Variants in ZNF609 observed in about 807,000 individuals in gnomAD.
ZNF609 encodes the protein zinc finger protein 609.
A neutral mutation model predicts 109.5 loss-of-function variants in ZNF609; 11 were observed. The ratio of observed to expected loss-of-function variants is 0.10; its 90% confidence interval spans 0.06 to 0.17. The LOEUF (loss-of-function observed/expected upper bound fraction) is 0.17, where lower values mean the gene tolerates loss of function less well. Among genes scored for constraint, ZNF609 ranks in the 10% least tolerant of loss-of-function variants. The pLI is 1.00. For synonymous variants in ZNF609, 646 were observed against 662.0 expected, an observed-to-expected ratio of 0.98 and a Z score of 0.37; for missense variants, 1,559 against 1,772.4, an observed-to-expected ratio of 0.88 and a Z score of 2.16.
intron 2 of ZNF609, among the ~76,000 whole-genome samples, chr15:64,582,591 G>A (rs901261156): frequency 6.6e-6 from 1 of 152,034 alleles, no homozygotes; most frequent in Non-Finnish European, 1.5e-5. Context: ...CTTACTTCAT[G>A]CCTGTATCTG....
chr15:64,670,133 G>A (rs972529678), intron 3 of ZNF609, among the ~76,000 whole-genome samples: 9 of 152,172 alleles, frequency 5.9e-5, no homozygotes, highest in African/African-American at 2.2e-4. Flanking sequence ...ACAAAACCAT[G>A]AAGTCTTTAC....
intron 2 of ZNF609, among the ~76,000 whole-genome samples, chr15:64,530,599 CTG>C (rs1163284001): frequency 1.3e-5 from 2 of 152,168 alleles, no homozygotes; most frequent in Non-Finnish European, 2.9e-5. Flanking sequence ...CTAGTATTTT[CTG>C]TGTGGTCTTC....
intron 2 of ZNF609, among the ~76,000 whole-genome samples, chr15:64,587,203 T>A (rs747627877): frequency 3.3e-5 from 5 of 152,228 alleles, no homozygotes; most frequent in Non-Finnish European, 7.3e-5. Flanking sequence ...TTCTCTAAAG[T>A]GGATCTTGCC....
At chr15:64,571,709 G>A (rs889105704) in intron 2 of ZNF609, among the ~76,000 whole-genome samples, 5 of 151,978 alleles carry the variant, frequency 3.3e-5, no homozygotes, top group African/African-American at 7.3e-5. Flanking sequence ...ACCCAGGATC[G>A]CCCAGGCTGG....
intron 2 of ZNF609, among the ~76,000 whole-genome samples, chr15:64,598,518 C>T (rs1895436453): frequency 6.6e-6 from 1 of 151,480 alleles, no homozygotes; most frequent in African/African-American, 2.4e-5. Context: ...ACTTCTCAAA[C>T]AAAAAGTAGA....
intron 2 of ZNF609, among the ~76,000 whole-genome samples, chr15:64,545,719 T>C (rs1894348210): frequency 6.6e-6 from 1 of 152,210 alleles, no homozygotes; most frequent in Admixed American, 6.5e-5. Context: ...ACTTCCATCA[T>C]TAGTTTTGCC....
At chr15:64,493,451 G>A (rs1893441502) in intron 1 of ZNF609, among the ~76,000 whole-genome samples, 1 of 152,162 alleles carries the variant, frequency 6.6e-6, no homozygotes, top group African/African-American at 2.4e-5. Context: ...AGAGATGGAT[G>A]TTATTATGAT....
At chr15:64,575,146 C>G (rs1349856103) in intron 2 of ZNF609, among the ~76,000 whole-genome samples, 1 of 152,154 alleles carries the variant, frequency 6.6e-6, no homozygotes, top group Non-Finnish European at 1.5e-5. Flanking sequence ...AGAGTCAAAA[C>G]CAAATCCCGG....
chr15:64,643,053 C>T (rs1031493442), intron 3 of ZNF609, among the ~76,000 whole-genome samples: 1 of 152,162 alleles, frequency 6.6e-6, no homozygotes, highest in African/African-American at 2.4e-5. Context: ...TGCACATACT[C>T]TCTAATCACA....
intron 2 of ZNF609, among the ~76,000 whole-genome samples, chr15:64,573,346 C>CTTTTTTTTTTTTTTTTT (rs71133442): frequency 1.4e-5 from 1 of 72,950 alleles, no homozygotes; most frequent in Non-Finnish European, 2.4e-5. Context: ...GCCCAACTTT[C>CTTTTTTTTTTTTTTTTT]TTTTTTTTTT....
intron 2 of ZNF609, among the ~76,000 whole-genome samples, chr15:64,610,106 G>A (rs1259804893): frequency 6.6e-6 from 1 of 152,136 alleles, no homozygotes; most frequent in East Asian, 1.9e-4. Flanking sequence ...GGAGGCCAAG[G>A]CACAAGGATC....
intron 1 of ZNF609, among the ~76,000 whole-genome samples, chr15:64,467,780 G>C (rs55646904): frequency 0.31 from 46,870 of 152,072 alleles, 9,421 homozygotes; most frequent in Non-Finnish European, 0.45. Flanking sequence ...GAGAGATGGA[G>C]GTTGCAGTGA....
At chr15:64,528,558 G>A (rs1468755375) in intron 2 of ZNF609, 1 of 586,386 alleles carries the variant, frequency 1.7e-6, no homozygotes, top group Non-Finnish European at 3.1e-6. Flanking sequence ...TGGAAACTGT[G>A]AGGAGGGGAG....
At chr15:64,599,506 C>T (rs1241083314) in intron 2 of ZNF609, among the ~76,000 whole-genome samples, 2 of 152,114 alleles carry the variant, frequency 1.3e-5, no homozygotes, top group Non-Finnish European at 2.9e-5. Context: ...TTACTGATTA[C>T]CTACATGTCT....
chr15:64,547,636 A>T (rs1894388077), intron 2 of ZNF609, among the ~76,000 whole-genome samples: 2 of 151,982 alleles, frequency 1.3e-5, no homozygotes, highest in East Asian at 3.8e-4. Context: ...AGCCATTTGT[A>T]AAGCCACTTA....
At chr15:64,524,012 G>GT (rs891569884) in intron 2 of ZNF609, among the ~76,000 whole-genome samples, 280 of 138,210 alleles carry the variant, frequency 2.0e-3, no homozygotes, top group African/African-American at 3.7e-3. Flanking sequence ...GGTTATACGG[G>GT]TTTTTTTTTT....
chr15:64,580,813 A>T (rs1356093363), intron 2 of ZNF609, among the ~76,000 whole-genome samples: 2 of 151,962 alleles, frequency 1.3e-5, no homozygotes, highest in Non-Finnish European at 2.9e-5. Flanking sequence ...GATGACAGGC[A>T]TGAGCCACCA....
Position 64,593,012 on chromosome 15 carries a change from A to G in ZNF609, c.748-29815A>G. On this transcript the variant is annotated intron_variant, in intron 2 of 9. Coordinates refer to ENST00000326648, the MANE Select transcript of ZNF609 (RefSeq NM_015042.2). Reference sequence around the variant, plus strand: ...GAAAAGAAGGAACAATGGTCGTGCCAAAAAGGGCCGCGGCCACATGCAGCC... The same window carrying G: ...GAAAAGAAGGAACAATGGTCGTGCCGAAAAGGGCCGCGGCCACATGCAGCC... 1.3e-6 allele frequency: 2 copies of G among 1,570,966 alleles called. 1 individual carries two copies. The highest frequency in any genetic ancestry group is 2.2e-5 in the South Asian group (2 of 90,542).
rs1893538986 is a variant in ZNF609 at position 64,500,051 on chromosome 15, C to A, written c.632C>A (p.Pro211Gln). ...SAGVDTGAVE[P>Q]LGSIAIEPGA... The stretch of plus-strand genomic sequence containing the variant: ...GGGGTGGATACAGGAGCTGTGGAGC[C>A]ACTTGGGAGTATAGCTATTGAGCCT... The change falls in exon 2 of 10, where the codon CCA becomes CAA. Residue 211 changes from proline (P) to glutamine (Q), a missense_variant. By Grantham distance (76) the Pro-to-Gln change is moderately conservative. Coordinates refer to ENST00000326648, the MANE Select transcript of ZNF609 (RefSeq NM_015042.2). 7 of 1,614,124 alleles carry A rather than the reference C, an allele frequency of 4.3e-6. No individual in the cohort carries two copies. In the East Asian group the frequency reaches 1.6e-4, roughly 36 times the overall value.
Sources: gnomAD v4.1 joint callset for allele counts (sites outside exome capture counted in the v4.1 genomes callset) on GRCh38, gnomAD v4.1.1 for gene constraint, MANE v1.5 for transcripts, NCBI Gene and HGNC (gene_info 2026-07-23, HGNC 2026-07-21) for gene names.